The following STK33 variants were observed in gnomAD, a reference collection of about 807,000 sequenced individuals.
The protein encoded by STK33 is serine/threonine kinase 33.
Under a neutral mutation model 58.0 loss-of-function variants are expected in STK33, and 52 were observed. The ratio of observed to expected loss-of-function variants is 0.90; its 90% CI spans 0.72 to 1.13. The LOEUF is 1.13. STK33 is among the 50% of genes most tolerant of loss of function. The pLI, the probability that STK33 is intolerant of heterozygous loss-of-function variation, is 0.00. For synonymous variants in STK33, 215 were observed against 200.1 expected (o/e 1.07, Z -0.63); for missense variants, 630 against 604.2 (o/e 1.04, Z -0.45).
At chr11:8,555,043 ATCTTTTTTC>A (rs1489791917) in intron 1 of STK33, 2 of 152,126 alleles carry the variant, frequency 1.3e-5, no homozygotes, top group Admixed American at 6.6e-5. Context: ...GCTGTAGGGG[ATCTTTTTTC>A]TCTTCAGCCA....
intron 1 of STK33, among the ~76,000 whole-genome samples, chr11:8,553,201 G>GTATATATATATATATA (rs60137762): frequency 1.6e-5 from 1 of 61,134 alleles, no homozygotes; most frequent in Non-Finnish European, 2.9e-5. Context: ...TATATATGGT[G>GTATATATATATATATA]TATATATATA....
intron 1 of STK33, among the ~76,000 whole-genome samples, chr11:8,547,627 TC>T (rs1956027621): frequency 6.6e-6 from 1 of 152,244 alleles, no homozygotes; most frequent in Admixed American, 6.5e-5. Context: ...GGTTATGAAT[TC>T]CTTGTGGATG....
chr11:8,514,661 G>C (rs957573372), intron 1 of STK33, among the ~76,000 whole-genome samples: 5 of 152,212 alleles, frequency 3.3e-5, no homozygotes, highest in African/African-American at 1.2e-4. Context: ...AAATTGAGTT[G>C]ACGTGATCCT....
chr11:8,482,948 G>C (rs1949934890), intron 1 of STK33, among the ~76,000 whole-genome samples: 2 of 151,874 alleles, frequency 1.3e-5, no homozygotes, highest in African/African-American at 4.8e-5. Flanking sequence ...AGCCAGGATG[G>C]TTTCGATCTC....
chr11:8,377,698 A>G, the STK33 span, among the ~76,000 whole-genome samples: 2 of 152,196 alleles, frequency 1.3e-5, no homozygotes, highest in Admixed American at 6.5e-5. Flanking sequence ...TTATATGATC[A>G]TATACCTAGA....
rs1264529545 is a variant in STK33 at position 8,460,996 on chromosome 11, T to A, written c.558+809A>T. ...ATAGAGAAACATTTAATGAGACAGA[T>A]GCTTTATATCAATTGTCTCATTTAA... On this transcript the variant is annotated intron_variant, in intron 8 of 15. Transcript: ENST00000687296. Among the ~76,000 whole-genome samples the A allele has an allele frequency of 2.6e-5, 4 of 152,202 alleles. No individual in the cohort carries two copies. The East Asian group carries it at 7.7e-4, about 29-fold the overall frequency.
chr11:8,432,324 T>A (rs184056537), intron 14 of STK33, among the ~76,000 whole-genome samples: 2 of 152,226 alleles, frequency 1.3e-5, no homozygotes, highest in East Asian at 3.9e-4. Flanking sequence ...AATTATCTAA[T>A]AAGAAGCAAT....
chr11:8,402,179 C>A (rs1228130847), intron 15 of STK33, among the ~76,000 whole-genome samples: 1 of 152,034 alleles, frequency 6.6e-6, no homozygotes, highest in Non-Finnish European at 1.5e-5. Context: ...ATGTTTATTG[C>A]GGCACTATTC....
chr11:8,337,160 G>A, the STK33 span, among the ~76,000 whole-genome samples: 2 of 152,214 alleles, frequency 1.3e-5, no homozygotes, highest in African/African-American at 2.4e-5. Flanking sequence ...TTCCTAAGCA[G>A]GCTGATCCTG....
intron 14 of STK33, among the ~76,000 whole-genome samples, chr11:8,417,202 A>G (rs906728852): frequency 6.6e-6 from 1 of 152,122 alleles, no homozygotes; most frequent in Non-Finnish European, 1.5e-5. Context: ...AATGACAAGA[A>G]AGCAGTAGCA....
chr11:8,452,566 T>C (rs1489905169), intron 11 of STK33, among the ~76,000 whole-genome samples: 5 of 152,096 alleles, frequency 3.3e-5, no homozygotes, highest in African/African-American at 1.2e-4. Context: ...AGGGATCACG[T>C]GAGCCCAGGA....
At chr11:8,452,962 T>C in intron 10 of STK33, 56 bp from the exon 11 acceptor site, 1 of 1,451,052 alleles carries the variant, frequency 6.9e-7, no homozygotes. Flanking sequence ...AGCTCACTCA[T>C]TCTGAAGATA....
intron 9 of STK33, 136 bp downstream of exon 9, chr11:8,457,205 C>T (rs980983750): frequency 1.3e-6 from 1 of 740,780 alleles, no homozygotes; most frequent in African/African-American, 1.8e-5. Context: ...AAAAAGGAAA[C>T]ATTTTTAACT....
intron 1 of STK33, among the ~76,000 whole-genome samples, chr11:8,589,992 GCAAA>G (rs1241840929): frequency 1.1e-4 from 16 of 152,184 alleles, no homozygotes; most frequent in African/African-American, 3.4e-4. Context: ...TTTGCTAGCA[GCAAA>G]CAAACTTGAA....
chr11:8,405,388 T>G (rs1056680006), intron 15 of STK33, among the ~76,000 whole-genome samples: 5 of 152,222 alleles, frequency 3.3e-5, no homozygotes, highest in Non-Finnish European at 7.3e-5. Context: ...TCTTCCTATG[T>G]GAAGTGTCTG....
Position 8,446,953 on chromosome 11 carries a change from C to A in STK33, c.871+5869G>T, listed in dbSNP as rs146246518. On this transcript the variant is annotated intron_variant, in intron 11 of 15. Transcript: ENST00000687296. The stretch of plus-strand genomic sequence containing the variant: ...ACACCAAAAGCAATGGCAACAAAAG[C>A]CAAAATTGACAAATGGGATCTAATT... 3.2e-3 allele frequency among the ~76,000 whole-genome samples: 494 copies of A among 152,176 alleles called. 1 individual carries two copies. The highest frequency in any genetic ancestry group is 0.011 in the African/African-American group (470 of 41,516).
chr11:8,569,324 C>T (rs1591832709), intron 1 of STK33, among the ~76,000 whole-genome samples: 1 of 152,138 alleles, frequency 6.6e-6, no homozygotes, highest in Admixed American at 6.5e-5. Flanking sequence ...CAGAAGTCAA[C>T]TGATTTTTGA....
chr11:8,443,880 C>T (rs1419530029), intron 11 of STK33, among the ~76,000 whole-genome samples: 1 of 152,096 alleles, frequency 6.6e-6, no homozygotes, highest in African/African-American at 2.4e-5. Context: ...CATGCCTGTG[C>T]TCCTTGCTCC....
At chr11:8,360,448 A>G in the STK33 span, among the ~76,000 whole-genome samples, 1 of 152,260 alleles carries the variant, frequency 6.6e-6, no homozygotes, top group African/African-American at 2.4e-5. Flanking sequence ...GTCCAATACA[A>G]GTCATGGCAT....
Sources: allele counts gnomAD v4.1 joint callset (sites outside exome capture counted in the v4.1 genomes callset), GRCh38; gene constraint gnomAD v4.1.1; transcripts MANE v1.5; gene names NCBI Gene and HGNC (gene_info 2026-07-23, HGNC 2026-07-21).